EPHX1: variants seen among roughly 807,000 people sequenced by gnomAD.
EPHX1 encodes the protein epoxide hydrolase 1.
Under a neutral mutation model 43.2 loss-of-function variants are expected in EPHX1, and 40 were observed. The observed-to-expected ratio is 0.93, with a 90% CI of 0.72 to 1.21. The LOEUF (loss-of-function observed/expected upper bound fraction) is 1.21. Ranked by LOEUF, EPHX1 falls within the 50% of genes most tolerant of loss-of-function variation. The pLI, the probability that EPHX1 is intolerant of heterozygous loss-of-function variation, is 0.00. For synonymous variants in EPHX1, 221 were observed against 226.7 expected, an observed-to-expected ratio of 0.98 and a Z score of 0.22; for missense variants, 550 against 570.4, an observed-to-expected ratio of 0.96 and a Z score of 0.36.
intron 1 of EPHX1, among the ~76,000 whole-genome samples, chr1:225,811,107 G>T (rs1044308327): frequency 5.3e-5 from 8 of 152,128 alleles, no homozygotes; most frequent in African/African-American, 1.9e-4. Flanking sequence ...CAGGAAACTT[G>T]CCCGGGAGTT....
intron 1 of EPHX1, among the ~76,000 whole-genome samples, chr1:225,819,290 C>T (rs1194847707): frequency 2.0e-5 from 3 of 150,026 alleles, no homozygotes; most frequent in Admixed American, 6.7e-5. Context: ...CTGTAGTCCC[C>T]GCTACTCAGG....
At chr1:225,813,819 C>A (rs1291834300) in intron 1 of EPHX1, among the ~76,000 whole-genome samples, 5 of 152,146 alleles carry the variant, frequency 3.3e-5, no homozygotes, top group Non-Finnish European at 5.9e-5. Flanking sequence ...CATGGTCCAG[C>A]CCCCGCACAG....
chr1:225,838,302 C>T (rs1272134751), intron 3 of EPHX1, among the ~76,000 whole-genome samples: 2 of 152,150 alleles, frequency 1.3e-5, no homozygotes, highest in Admixed American at 1.3e-4. Flanking sequence ...AATTATTGAA[C>T]AAGTATTTAT....
At chr1:225,829,423 G>T (rs1050416597) in intron 2 of EPHX1, among the ~76,000 whole-genome samples, 6 of 152,210 alleles carry the variant, frequency 3.9e-5, no homozygotes, top group Non-Finnish European at 7.3e-5. Flanking sequence ...AAGCTCAGGG[G>T]CATAAAGCAA....
intron 3 of EPHX1, among the ~76,000 whole-genome samples, chr1:225,832,955 T>C (rs1425599311): frequency 6.6e-6 from 1 of 152,234 alleles, no homozygotes; most frequent in Non-Finnish European, 1.5e-5. Context: ...TATTTGCAAA[T>C]GTTTTCTCCC....
chr1:225,832,079 G>A (rs1667636514), intron 3 of EPHX1, 120 bp downstream of exon 3: 2 of 1,040,858 alleles, frequency 1.9e-6, no homozygotes, highest in Non-Finnish European at 1.5e-6. Flanking sequence ...AGGTGACTGA[G>A]ATGTACTTAT....
Position 225,844,299 on chromosome 1 carries a change from C to T in EPHX1, c.1041-199C>T, listed in dbSNP as rs573011035. On this transcript the variant is annotated intron_variant, in intron 7 of 8. Coordinates refer to ENST00000272167, the MANE Select transcript of EPHX1 (RefSeq NM_001136018.4). ...GAGGACCTTGGGGTGATAAGAGACACTTCAACTAAATCCATGCGCTCCAGT... is the reference window on the plus strand; with the variant it reads ...GAGGACCTTGGGGTGATAAGAGACATTTCAACTAAATCCATGCGCTCCAGT... Among the ~76,000 whole-genome samples, 17 of 152,172 alleles carry T rather than the reference C, an allele frequency of 1.1e-4. No individual in the cohort carries two copies. The East Asian group carries it at 3.3e-3, about 29-fold the overall frequency.
rs149660561 is a variant in EPHX1, at chr1:225,838,961, G to A, written c.592+80G>A. ...GGTGTTCCCACCAGGCTCTCCTTCC[G>A]GCGGGGTGAGCAGGGAGTTGGCCCG... On this transcript the variant is annotated intron_variant, in intron 4 of 8. Coordinates refer to ENST00000272167, the MANE Select transcript of EPHX1 (RefSeq NM_001136018.4). The A allele has an allele frequency of 5.4e-4, 822 of 1,521,840 alleles. 6 individuals are homozygous for A. The African/African-American group carries it at 9.7e-3, about 18-fold the overall frequency. 94.3% of individuals were successfully genotyped at this position (1,521,840 alleles called of 1,614,324 possible).
At chr1:225,835,354 G>A (rs901003648) in intron 3 of EPHX1, among the ~76,000 whole-genome samples, 6 of 148,958 alleles carry the variant, frequency 4.0e-5, no homozygotes, top group Non-Finnish European at 7.4e-5. Flanking sequence ...AAGTAGCTGG[G>A]ACCACAGGTA....
chr1:225,834,923 C>T (rs985542641), intron 3 of EPHX1, among the ~76,000 whole-genome samples: 1 of 152,210 alleles, frequency 6.6e-6, no homozygotes, highest in African/African-American at 2.4e-5. Context: ...AGGGTCCCTC[C>T]TTCACAGCTC....
intron 1 of EPHX1, among the ~76,000 whole-genome samples, chr1:225,826,565 ATGG>A (rs3834048): frequency 0.21 from 31,403 of 151,714 alleles, 4,030 homozygotes; most frequent in South Asian, 0.36. Context: ...CCCCTGGCAC[ATGG>A]TAGACTGAGT....
chr1:225,845,287 G>C lies in EPHX1; in HGVS notation c.1308G>C (p.Glu436Asp). The C allele has an allele frequency of 6.2e-7, 1 of 1,613,108 alleles. No individual in the cohort carries two copies. The highest frequency in any genetic ancestry group is 8.5e-7 in the Non-Finnish European group (1 of 1,180,000). ...MVRGGHFAAF[E>D]EPELLAQDIR... is the part of the protein sequence containing the mutation. ...GTGGGGGCCACTTTGCGGCCTTTGAGGAGCCGGAGCTGCTCGCCCAGGACA... is the reference window on the plus strand; with the variant it reads ...GTGGGGGCCACTTTGCGGCCTTTGACGAGCCGGAGCTGCTCGCCCAGGACA... Residue 436 changes from glutamate (E) to aspartate (D), a missense_variant, in exon 9 of 9, where the codon GAG becomes GAC. Coordinates refer to ENST00000272167, the MANE Select transcript of EPHX1 (RefSeq NM_001136018.4).
At chr1:225,821,940 C>CA (rs1329839667) in intron 1 of EPHX1, among the ~76,000 whole-genome samples, 1 of 152,180 alleles carries the variant, frequency 6.6e-6, no homozygotes, top group African/African-American at 2.4e-5. Context: ...GAAAGATAAA[C>CA]ACAAGTAAAC....
chr1:225,831,875 A>G lies in EPHX1; in HGVS notation c.280A>G (p.Ile94Val), dbSNP rs933413426. The G allele has an allele frequency of 7.4e-6, 12 of 1,614,114 alleles. No homozygotes were observed. Among genetic ancestry groups the G allele is most frequent in the East Asian group, 6.7e-5 (3 of 44,896 alleles). Reference sequence around the variant, plus strand: ...CAACTCCAACTACCTGAAGAAAGTCATCTCCTACTGGCGGAATGAATTTGA... The same window carrying G: ...CAACTCCAACTACCTGAAGAAAGTCGTCTCCTACTGGCGGAATGAATTTGA... ...GFNSNYLKKV[I>V]SYWRNEFDWK... The change falls in exon 3 of 9, where the codon ATC (isoleucine) becomes GTC (valine). Residue 94 changes from isoleucine to valine, a missense_variant. By Grantham distance (29) the Ile-to-Val change is conservative. Coordinates refer to ENST00000272167, the MANE Select transcript of EPHX1 (RefSeq NM_001136018.4).
intron 7 of EPHX1, among the ~76,000 whole-genome samples, chr1:225,843,429 A>G (rs1668603457): frequency 1.3e-5 from 2 of 152,212 alleles, no homozygotes; most frequent in African/African-American, 4.8e-5. Flanking sequence ...TCCTGCAGGC[A>G]GGTCCTCACC....
chr1:225,816,048 T>G (rs1433660153), intron 1 of EPHX1, among the ~76,000 whole-genome samples: 2 of 152,204 alleles, frequency 1.3e-5, no homozygotes, highest in Non-Finnish European at 2.9e-5. Flanking sequence ...ATCCCGGCAC[T>G]TTGGGAGGCC....
chr1:225,842,247 G>T, intron 6 of EPHX1, 119 bp from the exon 7 acceptor site: 2 of 782,216 alleles, frequency 2.6e-6, no homozygotes, highest in East Asian at 2.5e-5. Flanking sequence ...GCCTGTGCTC[G>T]AACGTGGCTT....
At chr1:225,842,337 T>TCTC (rs751004765) in intron 6 of EPHX1, 29 bp from the exon 7 acceptor site, 1 of 1,502,136 alleles carries the variant, frequency 6.7e-7, no homozygotes, top group Non-Finnish European at 9.3e-7. Context: ...CAGGCCTGAG[T>TCTC]CTCTCCCTTG....
chr1:225,841,055 G>A (rs1668361378), intron 6 of EPHX1: 1 of 152,166 alleles, frequency 6.6e-6, no homozygotes, highest in Non-Finnish European at 1.5e-5. Context: ...ACATTTTGGT[G>A]AGAATTTTCA....
Sources: allele counts gnomAD v4.1 joint callset (sites outside exome capture counted in the v4.1 genomes callset), GRCh38; gene constraint gnomAD v4.1.1; transcripts MANE v1.5; gene names NCBI Gene and HGNC (gene_info 2026-07-23, HGNC 2026-07-21).